Variants in CNTNAP2 observed in about 807,000 individuals in gnomAD.
The protein encoded by CNTNAP2 is contactin associated protein 2, also known as contactin-associated protein-like 2.
Under a neutral mutation model 155.2 loss-of-function variants are expected in CNTNAP2, and 98 were observed. That is an observed-to-expected ratio of 0.63 (90% CI 0.54 to 0.75). The LOEUF (loss-of-function observed/expected upper bound fraction) is 0.75, where lower values mean the gene tolerates loss of function less well. Among genes scored for constraint, CNTNAP2 ranks in the 30% least tolerant of loss-of-function variants. The probability of loss-of-function intolerance (pLI) is 0.00; values close to 1 mark genes in which losing one functional copy is unlikely to be tolerated. For synonymous variants in CNTNAP2, 651 were observed against 631.2 expected, an observed-to-expected ratio of 1.03 and a Z score of -0.47; for missense variants, 1,727 against 1,688.1, an observed-to-expected ratio of 1.02 and a Z score of -0.40.
intron 1 of CNTNAP2, among the ~76,000 whole-genome samples, chr7:146,579,577 A>G (rs1798578899): frequency 1.3e-5 from 2 of 152,128 alleles, no homozygotes; most frequent in African/African-American, 2.4e-5. Flanking sequence ...ACATCAGTCT[A>G]ACGGGTGCTC....
At chr7:147,127,995 G>T (rs1304148358) in intron 6 of CNTNAP2, among the ~76,000 whole-genome samples, 1 of 152,032 alleles carries the variant, frequency 6.6e-6, no homozygotes, top group Non-Finnish European at 1.5e-5. Flanking sequence ...TATAAGAAAT[G>T]GATATTTTCT....
At chr7:146,366,316 A>C (rs1795154807) in intron 1 of CNTNAP2, among the ~76,000 whole-genome samples, 1 of 152,108 alleles carries the variant, frequency 6.6e-6, no homozygotes, top group Admixed American at 6.5e-5. Flanking sequence ...ATTCATTTTG[A>C]GTTTTTGGGA....
intron 13 of CNTNAP2, among the ~76,000 whole-genome samples, chr7:147,710,537 T>A (rs539472507): frequency 6.6e-6 from 1 of 152,326 alleles, no homozygotes; most frequent in East Asian, 1.9e-4. Context: ...AACTCTTTTG[T>A]GATCTCCTAA....
At chr7:146,970,237 G>T (rs192944014) in intron 3 of CNTNAP2, among the ~76,000 whole-genome samples, 5,937 of 152,156 alleles carry the variant, frequency 0.039, 135 homozygotes, top group South Asian at 0.075. Context: ...AAGAGCTTCT[G>T]CACAGCAAAA....
chr7:147,339,589 A>T (rs1021091327), intron 9 of CNTNAP2, among the ~76,000 whole-genome samples: 10 of 152,090 alleles, frequency 6.6e-5, no homozygotes, highest in Non-Finnish European at 1.5e-4. Context: ...ACAAACTAAG[A>T]CGAGTACTAA....
At chr7:147,094,418 T>C (rs1310371247) in intron 4 of CNTNAP2, among the ~76,000 whole-genome samples, 1 of 146,920 alleles carries the variant, frequency 6.8e-6, no homozygotes, top group Non-Finnish European at 1.5e-5. Flanking sequence ...TTTTTTTTCT[T>C]TTGGAGAAGG....
intron 11 of CNTNAP2, among the ~76,000 whole-genome samples, chr7:147,507,541 T>A (rs1798927755): frequency 7.4e-6 from 1 of 135,474 alleles, no homozygotes; most frequent in Non-Finnish European, 1.5e-5. Flanking sequence ...AGTTGCTTTC[T>A]CTTTCTTTCT....
At chr7:148,213,701 G>A in intron 18 of CNTNAP2, among the ~76,000 whole-genome samples, 1 of 151,110 alleles carries the variant, frequency 6.6e-6, no homozygotes, top group Admixed American at 6.6e-5. Flanking sequence ...GAACTGCTCA[G>A]TGTGTTTTCT....
At chr7:146,875,908 A>G (rs1460040065) in intron 3 of CNTNAP2, among the ~76,000 whole-genome samples, 8 of 122,860 alleles carry the variant, frequency 6.5e-5, no homozygotes, top group South Asian at 3.0e-4. Flanking sequence ...ACACACACGC[A>G]CACACACACA....
At chr7:147,866,005 T>C (rs1452113435) in intron 13 of CNTNAP2, among the ~76,000 whole-genome samples, 1 of 152,208 alleles carries the variant, frequency 6.6e-6, no homozygotes, top group African/African-American at 2.4e-5. Flanking sequence ...GTTCTTTTAA[T>C]TGTGATGTTA....
chr7:147,987,117 G>A (rs1180660629), intron 15 of CNTNAP2, among the ~76,000 whole-genome samples: 4 of 152,154 alleles, frequency 2.6e-5, no homozygotes. Context: ...TCACAACCTA[G>A]GCTGACTCCC....
At position 146,190,895 on chromosome 7, in the gene CNTNAP2, G is replaced by A. The variant is rs563083972; in HGVS notation, c.97+73922G>A. Among the ~76,000 whole-genome samples the A allele has an allele frequency of 6.6e-5, 10 of 152,164 alleles. No individual in the cohort carries two copies. In the East Asian group the frequency reaches 1.9e-3, roughly 29 times the overall value. On this transcript the variant is annotated intron_variant, in intron 1 of 23. Transcript: ENST00000361727. The stretch of plus-strand genomic sequence containing the variant: ...ATGTCATTCATGTTTTCCCTAAAAA[G>A]CATTTTCTAAAATTTAGTGGTCCAA...
intron 4 of CNTNAP2, among the ~76,000 whole-genome samples, chr7:147,093,565 G>A (rs921661354): frequency 7.2e-5 from 11 of 152,134 alleles, no homozygotes; most frequent in Admixed American, 1.3e-4. Context: ...GTTTCAGTGA[G>A]CCTCTGGTCA....
At chr7:147,630,316 TAAAAAAAAAA>T (rs71183024) in intron 12 of CNTNAP2, among the ~76,000 whole-genome samples, 14 of 73,108 alleles carry the variant, frequency 1.9e-4, no homozygotes, top group South Asian at 7.9e-4. Flanking sequence ...GAAACAGTAG[TAAAAAAAAAA>T]AAAAAAAAAA....
At chr7:148,049,836 C>G (rs1802852156) in intron 15 of CNTNAP2, among the ~76,000 whole-genome samples, 1 of 152,176 alleles carries the variant, frequency 6.6e-6, no homozygotes, top group Non-Finnish European at 1.5e-5. Context: ...TTTTATCATT[C>G]AAGTGTATTC....
At chr7:147,750,814 A>G (rs188557429) in intron 13 of CNTNAP2, among the ~76,000 whole-genome samples, 1,668 of 152,216 alleles carry the variant, frequency 0.011, 95 homozygotes, top group Admixed American at 0.087. Flanking sequence ...CAAGGCGGGT[A>G]GATCACGAGG....
At chr7:147,908,132 G>A (rs1439714219) in intron 14 of CNTNAP2, among the ~76,000 whole-genome samples, 5 of 152,134 alleles carry the variant, frequency 3.3e-5, no homozygotes, top group African/African-American at 4.8e-5. Flanking sequence ...ACAGAGCGTG[G>A]CAAGTAGGCC....
At chr7:146,383,092 C>A (rs956393136) in intron 1 of CNTNAP2, among the ~76,000 whole-genome samples, 2 of 152,074 alleles carry the variant, frequency 1.3e-5, no homozygotes, top group African/African-American at 4.8e-5. Flanking sequence ...AATTTAGTAT[C>A]ATGGAAACAA....
chr7:147,434,946 T>A (rs773644303), intron 10 of CNTNAP2, among the ~76,000 whole-genome samples: 3 of 152,200 alleles, frequency 2.0e-5, no homozygotes, highest in Non-Finnish European at 4.4e-5. Context: ...GTGGTTCAGG[T>A]ATTTGTGTGT....
Sources: allele counts gnomAD v4.1 joint callset (sites outside exome capture counted in the v4.1 genomes callset), GRCh38; gene constraint gnomAD v4.1.1; transcripts MANE v1.5; gene names NCBI Gene and HGNC (gene_info 2026-07-23, HGNC 2026-07-21).